Variants in NTRK2 observed in about 807,000 individuals in gnomAD.
NTRK2 encodes the protein BDNF/NT-3 growth factors receptor.
Under a neutral mutation model 94.5 loss-of-function variants are expected in NTRK2, and 13 were observed. The ratio of observed to expected loss-of-function variants is 0.14; its 90% CI spans 0.09 to 0.22. The LOEUF is 0.22. Ranked by LOEUF, NTRK2 falls within the 10% of genes least tolerant of loss-of-function variation. The pLI, the probability that NTRK2 is intolerant of heterozygous loss-of-function variation, is 1.00. For synonymous variants in NTRK2, 372 were observed against 407.4 expected (o/e 0.91, Z 1.05); for missense variants, 639 against 1,071.2 (o/e 0.60, Z 5.63).
chr9:84,877,118 G>A (rs1244366300), intron 14 of NTRK2: 57 of 1,064,406 alleles, frequency 5.4e-5, no homozygotes, highest in African/African-American at 6.6e-5. Flanking sequence ...TTTCCTTCTC[G>A]GATTGTGTAT....
chr9:84,729,531 T>A lies in NTRK2; in HGVS notation c.1159+1572T>A, dbSNP rs2062696127. Among the ~76,000 whole-genome samples the A allele has an allele frequency of 2.0e-5, 3 of 152,226 alleles. No individual in the cohort carries two copies. In the South Asian group the frequency reaches 6.2e-4, roughly 32 times the overall value. ...CAGTAGCTTTTTGCTTGTTCTTACA[T>A]AAACTTTTTATTTCTGAATAATTTT... On this transcript the variant is annotated intron_variant, in intron 9 of 18. Transcript: ENST00000277120.
At chr9:84,940,545 T>C (rs1328410197) in intron 15 of NTRK2, among the ~76,000 whole-genome samples, 1 of 152,196 alleles carries the variant, frequency 6.6e-6, no homozygotes, top group Non-Finnish European at 1.5e-5. Context: ...TTCCAATTAG[T>C]CATCTGCAAT....
chr9:84,973,989 G>A (rs1826498313), intron 17 of NTRK2, among the ~76,000 whole-genome samples: 1 of 70,858 alleles, frequency 1.4e-5, no homozygotes, highest in African/African-American at 6.7e-5. Flanking sequence ...TAACCCCCAT[G>A]AATCATCAGA....
chr9:84,801,539 C>T (rs1024410615), intron 12 of NTRK2, among the ~76,000 whole-genome samples: 1 of 152,156 alleles, frequency 6.6e-6, no homozygotes, highest in Non-Finnish European at 1.5e-5. Context: ...AGCCACATCT[C>T]TCAGTCAGCC....
chr9:84,939,317 A>G (rs2078325167), intron 15 of NTRK2, among the ~76,000 whole-genome samples: 1 of 152,174 alleles, frequency 6.6e-6, no homozygotes, highest in African/African-American at 2.4e-5. Context: ...ACAGGAATCC[A>G]AAGAAGACAA....
chr9:84,713,591 T>C (rs560912922), intron 6 of NTRK2, among the ~76,000 whole-genome samples: 8 of 152,260 alleles, frequency 5.3e-5, no homozygotes, highest in Non-Finnish European at 7.4e-5. Context: ...ACTTCTTTCA[T>C]AGAAATTAAA....
rs943301450 is a variant in NTRK2 at position 84,808,648 on chromosome 9, G to A, written c.1397-52392G>A. 2.0e-5 allele frequency among the ~76,000 whole-genome samples: 3 copies of A among 152,234 alleles called. No individual in the cohort carries two copies. The East Asian group carries it at 5.8e-4, about 29-fold the overall frequency. On this transcript the variant is annotated intron_variant, in intron 12 of 18. Transcript: ENST00000277120. ...TTGCCTGGAGGCAAAACTTTTAGAA[G>A]GAGACTGGAGACAGATATGAAGGAG... is the stretch of plus-strand genomic sequence containing the variant.
In NTRK2 at chr9:84,926,117, CCTT is replaced by C. The variant is rs1564470735; in HGVS notation, c.1634-8043_1634-8041del. ...CCTTCCTTCCTTCCTTTCCTTCCTTCCTTCCTTCCTTCCTTCCTTCCTTCCTTC... is the reference window on the plus strand; with the variant it reads ...CCTTCCTTCCTTCCTTTCCTTCCTTCCCTTCCTTCCTTCCTTCCTTCCTTC... On this transcript the variant is annotated intron_variant, in intron 14 of 18. Transcript: ENST00000277120. Among the ~76,000 whole-genome samples, 91 of 41,702 alleles carry C rather than the reference CCTT, an allele frequency of 2.2e-3. 1 individual carries two copies. Among genetic ancestry groups the C allele is most frequent in the African/African-American group, 6.6e-3 (89 of 13,460 alleles). The allele number at this position is 41,702 out of a possible 152,430, so 27.4% of individuals were successfully genotyped here.
chr9:84,784,159 A>G (rs926791068), intron 12 of NTRK2, among the ~76,000 whole-genome samples: 2 of 152,204 alleles, frequency 1.3e-5, no homozygotes, highest in Admixed American at 1.3e-4. Context: ...AAAACCTAGC[A>G]CTGCCGGTTA....
At chr9:84,759,035 T>C (rs192492819) in intron 12 of NTRK2, among the ~76,000 whole-genome samples, 1 of 152,194 alleles carries the variant, frequency 6.6e-6, no homozygotes, top group Non-Finnish European at 1.5e-5. Flanking sequence ...AAAGTCTATC[T>C]CAGCACTCTC....
chr9:84,782,216 G>C (rs1404646939), intron 12 of NTRK2, among the ~76,000 whole-genome samples: 1 of 152,176 alleles, frequency 6.6e-6, no homozygotes, highest in Non-Finnish European at 1.5e-5. Flanking sequence ...TACCAAGCCA[G>C]GCATGTGAGC....
At chr9:84,956,614 A>G (rs1347008719) in intron 17 of NTRK2, among the ~76,000 whole-genome samples, 1 of 152,214 alleles carries the variant, frequency 6.6e-6, no homozygotes, top group Non-Finnish European at 1.5e-5. Flanking sequence ...AGCATAAAGC[A>G]CAGAACTGGC....
intron 14 of NTRK2, among the ~76,000 whole-genome samples, chr9:84,888,232 A>G (rs2076476918): frequency 6.6e-6 from 1 of 152,188 alleles, no homozygotes; most frequent in Non-Finnish European, 1.5e-5. Flanking sequence ...GAGACTTGCC[A>G]TCTGCTAAGT....
chr9:84,832,800 A>G (rs2073639234), intron 12 of NTRK2, among the ~76,000 whole-genome samples: 1 of 152,174 alleles, frequency 6.6e-6, no homozygotes, highest in South Asian at 2.1e-4. Context: ...GTTTTACGGA[A>G]GTGCTCCTGA....
chr9:84,989,493 C>T (rs923593724), intron 17 of NTRK2, among the ~76,000 whole-genome samples: 1 of 152,168 alleles, frequency 6.6e-6, no homozygotes, highest in Non-Finnish European at 1.5e-5. Flanking sequence ...CTTGACATTG[C>T]CCCAGTATTG....
intron 14 of NTRK2, among the ~76,000 whole-genome samples, chr9:84,882,612 G>T (rs117893356): frequency 2.0e-5 from 3 of 152,122 alleles, no homozygotes; most frequent in Non-Finnish European, 4.4e-5. Context: ...CCCATGTCCG[G>T]TAGCAAGCCA....
At chr9:84,768,384 A>T (rs1451422950) in intron 12 of NTRK2, among the ~76,000 whole-genome samples, 1 of 152,106 alleles carries the variant, frequency 6.6e-6, no homozygotes, top group Non-Finnish European at 1.5e-5. Context: ...TGTGGAAGAC[A>T]CTCAGTCATT....
chr9:84,808,046 C>T (rs1260097590), intron 12 of NTRK2, among the ~76,000 whole-genome samples: 3 of 152,096 alleles, frequency 2.0e-5, no homozygotes, highest in African/African-American at 7.2e-5. Flanking sequence ...GTTTTTATTG[C>T]ATGGGCGTGT....
chr9:84,981,266 T>G (rs1487493509), intron 17 of NTRK2, among the ~76,000 whole-genome samples: 3 of 12,012 alleles, frequency 2.5e-4, no homozygotes, highest in Non-Finnish European at 5.6e-4. Context: ...TGTTTTGTTG[T>G]TTTTTTTTTA....
Sources: gnomAD v4.1 joint callset for allele counts (sites outside exome capture counted in the v4.1 genomes callset) on GRCh38, gnomAD v4.1.1 for gene constraint, MANE v1.5 for transcripts, NCBI Gene and HGNC (gene_info 2026-07-23, HGNC 2026-07-21) for gene names.